The following SRP54 variants were observed in gnomAD, a reference collection of about 807,000 sequenced individuals.
The protein encoded by SRP54 is signal recognition particle 54, also known as signal recognition particle subunit SRP54.
In SRP54, 10 loss-of-function variants were observed where a neutral mutation model predicts 64.8. The ratio of observed to expected loss-of-function variants is 0.15; its 90% CI spans 0.10 to 0.26. The LOEUF (loss-of-function observed/expected upper bound fraction) is 0.26. Among genes scored for constraint, SRP54 ranks in the 10% least tolerant of loss-of-function variants. The pLI is 1.00. For synonymous variants in SRP54, 193 were observed against 185.6 expected (o/e 1.04, Z -0.32); for missense variants, 325 against 613.7 (o/e 0.53, Z 4.97).
chr14:34,991,441 T>A (rs1690205244), intron 1 of SRP54, among the ~76,000 whole-genome samples: 1 of 151,808 alleles, frequency 6.6e-6, no homozygotes, highest in South Asian at 2.1e-4. Flanking sequence ...CAGCTTACAT[T>A]TCAATAGTGA....
intron 1 of SRP54, among the ~76,000 whole-genome samples, chr14:34,988,657 C>A (rs1459406988): frequency 7.0e-6 from 1 of 142,884 alleles, no homozygotes. Context: ...ATTTTGTTAA[C>A]TAAATTTACT....
intron 1 of SRP54, among the ~76,000 whole-genome samples, chr14:34,992,790 A>T (rs911410643): frequency 1.2e-4 from 19 of 152,148 alleles, no homozygotes; most frequent in African/African-American, 4.6e-4. Flanking sequence ...AATCTAAAAT[A>T]AATTAATTAA....
intron 12 of SRP54, 39 bp from the exon 13 acceptor site, chr14:35,018,927 C>T (rs1037152062): frequency 1.9e-6 from 3 of 1,565,554 alleles, no homozygotes; most frequent in Non-Finnish European, 1.8e-6. Flanking sequence ...AACCATTAAT[C>T]TTAAGCTACT....
At chr14:34,988,329 TGAGGTGGGTGGATCAC>T (rs549266963) in intron 1 of SRP54, among the ~76,000 whole-genome samples, 12 of 151,324 alleles carry the variant, frequency 7.9e-5, no homozygotes, top group Non-Finnish European at 1.5e-4. Flanking sequence ...TTTGGGAGGC[TGAGGTGGGTGGATCAC>T]GAGGTCAAGA....
chr14:35,014,961 A>G, intron 11 of SRP54, 131 bp downstream of exon 11: 1 of 582,688 alleles, frequency 1.7e-6, no homozygotes, highest in Non-Finnish European at 2.9e-6. Context: ...ATTTTAGATG[A>G]TTTATATGCA....
chr14:35,022,795 T>G, intron 13 of SRP54, 115 bp from the exon 14 acceptor site: 1 of 718,764 alleles, frequency 1.4e-6, no homozygotes, highest in South Asian at 4.8e-5. Context: ...AATGAGATAG[T>G]TATCACTTTA....
At chr14:34,994,080 G>A (rs1453049394) in intron 1 of SRP54, among the ~76,000 whole-genome samples, 1 of 151,966 alleles carries the variant, frequency 6.6e-6, no homozygotes, top group East Asian at 1.9e-4. Flanking sequence ...TGTAACCTCT[G>A]CCTCCCATCT....
At chr14:34,995,135 GTGTGT>G (rs1566643573) in intron 1 of SRP54, among the ~76,000 whole-genome samples, 4,237 of 56,614 alleles carry the variant, frequency 0.075, 177 homozygotes, top group Admixed American at 0.085. Context: ...TCAATAAAGG[GTGTGT>G]GTGTGTGTGT....
intron 14 of SRP54, among the ~76,000 whole-genome samples, chr14:35,026,401 T>C (rs892866426): frequency 5.9e-5 from 9 of 151,996 alleles, no homozygotes; most frequent in African/African-American, 2.2e-4. Context: ...CTAATGCTTT[T>C]TTTTGTTTTT....
chr14:35,027,202 G>A (rs2044644838), intron 14 of SRP54, among the ~76,000 whole-genome samples: 1 of 151,762 alleles, frequency 6.6e-6, no homozygotes, highest in African/African-American at 2.4e-5. Context: ...AATTTATTTT[G>A]TATTGTTAGT....
intron 15 of SRP54, among the ~76,000 whole-genome samples, chr14:35,028,527 G>A (rs1378192604): frequency 6.6e-6 from 1 of 152,060 alleles, no homozygotes; most frequent in Non-Finnish European, 1.5e-5. Context: ...CCTTTACAAA[G>A]TTCCTTAAAC....
In SRP54 at chr14:35,001,397, C is replaced by T. The variant is rs199624631; in HGVS notation, c.255+377C>T. 1.2e-4 allele frequency among the ~76,000 whole-genome samples: 19 copies of T among 152,156 alleles called. 1 individual carries two copies. In the East Asian group the frequency reaches 2.7e-3, roughly 22 times the overall value. On this transcript the variant is annotated intron_variant, in intron 4 of 15. Coordinates refer to ENST00000216774, the MANE Select transcript of SRP54 (RefSeq NM_003136.4). ...AACTCCTGACCTCAGGCGATCCGCC[C>T]GCTTCGGCCTCCCAAAGTGCTGGGA...
chr14:34,996,108 G>T (rs939483129), intron 1 of SRP54, among the ~76,000 whole-genome samples: 7 of 150,874 alleles, frequency 4.6e-5, no homozygotes, highest in Non-Finnish European at 7.4e-5. Context: ...TCTTTCCTTT[G>T]TGGTTAGAAG....
chr14:35,015,446 T>C (rs2044423094), intron 11 of SRP54, among the ~76,000 whole-genome samples: 1 of 152,160 alleles, frequency 6.6e-6, no homozygotes, highest in South Asian at 2.1e-4. Context: ...CCACATTTTC[T>C]TTACCCCACA....
rs548790987 is a variant in SRP54 at position 35,004,559 on chromosome 14, T to G, written c.256-2724T>G. On this transcript the variant is annotated intron_variant, in intron 4 of 15. Coordinates refer to ENST00000216774, the MANE Select transcript of SRP54 (RefSeq NM_003136.4). ...ATGGTTTCAGATTCTACATTGCAGC[T>G]AACCTTTACAAACTACCATGATTAT... is the stretch of plus-strand genomic sequence containing the variant. 10 of 152,340 alleles carry G rather than the reference T, an allele frequency of 6.6e-5. 1 individual carries two copies. The highest frequency in any genetic ancestry group is 3.3e-4 in the Admixed American group (5 of 15,308). 9.4% of individuals were successfully genotyped at this position (152,340 alleles called of 1,614,324 possible).
rs574490630 is a variant in SRP54, at chr14:34,986,925, T to C, written c.-34+3710T>C. 4.6e-5 allele frequency among the ~76,000 whole-genome samples: 7 copies of C among 151,692 alleles called. No homozygotes were observed. In the East Asian group the frequency reaches 9.8e-4, roughly 21 times the overall value. On this transcript the variant is annotated intron_variant, in intron 1 of 15. Transcript: ENST00000216774. ...CATCATCCAGAGATAACAAATGTTATTTTAACAGTTTATTAAAATATAATT... is the reference window on the plus strand; with the variant it reads ...CATCATCCAGAGATAACAAATGTTACTTTAACAGTTTATTAAAATATAATT...
Position 35,023,050 on chromosome 14 carries a change from A to G in SRP54, c.1297A>G (p.Lys433Glu). Residue 433 changes from lysine (K) to glutamate (E), a missense_variant, in exon 14 of 16, where the codon AAG becomes GAG. Transcript: ENST00000216774. ...TACCAAGTTTGCACAGATGGTAAAA[A>G]AGATGGGAGGTATCAAAGGACTTTT... ...QYTKFAQMVKKMGGIKGLFKG... is the reference protein window; with the variant it reads ...QYTKFAQMVKEMGGIKGLFKG... The G allele has an allele frequency of 2.5e-6, 4 of 1,613,084 alleles. No individual in the cohort carries two copies. Among genetic ancestry groups the G allele is most frequent in the Non-Finnish European group, 3.4e-6 (4 of 1,179,564 alleles).
At chr14:35,007,202 A>G (rs906364095) in intron 4 of SRP54, 81 bp from the exon 5 acceptor site, 18 of 914,292 alleles carry the variant, frequency 2.0e-5, no homozygotes, top group Non-Finnish European at 2.6e-5. Context: ...TCAAAAAAGG[A>G]AAAAAAAGTT....
At position 34,999,659 on chromosome 14, in the gene SRP54, A is replaced by G; in HGVS notation, c.170+10A>G. On this transcript the variant is annotated intron_variant, in intron 3 of 15. Transcript: ENST00000216774. ...TAAGAGAAAATGTTAAGTAAGTTAA[A>G]TCAATCAGGTAAAACACAGGCACAG... 1 of 1,584,926 alleles carries G rather than the reference A, an allele frequency of 6.3e-7. No homozygotes were observed. The highest frequency in any genetic ancestry group is 8.7e-7 in the Non-Finnish European group (1 of 1,153,882).
Sources: allele counts gnomAD v4.1 joint callset (sites outside exome capture counted in the v4.1 genomes callset), GRCh38; gene constraint gnomAD v4.1.1; transcripts MANE v1.5; gene names NCBI Gene and HGNC (gene_info 2026-07-23, HGNC 2026-07-21).